YIPF3: variants seen among roughly 807,000 people sequenced by gnomAD.
YIPF3 encodes the protein protein YIPF3.
A neutral mutation model predicts 40.3 loss-of-function variants in YIPF3; 18 were observed. That is an observed-to-expected ratio of 0.45 (90% CI 0.31 to 0.66). YIPF3 has a LOEUF of 0.66. YIPF3 is among the 30% of genes least tolerant of loss of function. The pLI, the probability that YIPF3 is intolerant of heterozygous loss-of-function variation, is 0.07. For synonymous variants in YIPF3, 190 were observed against 179.6 expected, an observed-to-expected ratio of 1.06 and a Z score of -0.46; for missense variants, 406 against 452.2, an observed-to-expected ratio of 0.90 and a Z score of 0.93.
Position 43,516,090 on chromosome 6 carries a change from T to G in YIPF3, c.87A>C (p.Gly29=). The G allele has an allele frequency of 6.2e-7, 1 of 1,614,216 alleles. No individual in the cohort carries two copies. The highest frequency in any genetic ancestry group is 8.5e-7 in the Non-Finnish European group (1 of 1,180,030). Residue 29 remains glycine, a synonymous_variant, in exon 2 of 9, where the codon GGA becomes GGC. Transcript: ENST00000372422. ...TCTCCATGTCAATCACAGCTGAGCCTCCGCCCTGTGAAGACAATGGCTCCT... is the reference window on the plus strand; with the variant it reads ...TCTCCATGTCAATCACAGCTGAGCCGCCGCCCTGTGAAGACAATGGCTCCT... ...WGGFEENIQG[G]GSAVIDMENM...
chr6:43,516,687 G>A (rs1457938453), intron 1 of YIPF3, 40 bp downstream of exon 1: 8 of 1,607,096 alleles, frequency 5.0e-6, no homozygotes, highest in Admixed American at 1.7e-5. Context: ...GACATCGCCG[G>A]CCCTCCGGCT....
chr6:43,512,292 G>A lies in YIPF3; in HGVS notation c.928C>T (p.Pro310Ser). The part of the protein sequence containing the change: ...VEGILDTLEG[P>S]NIPPIQRVPR... ...ACCCTCTGGATGGGCGGGATGTTGG[G>A]GCCCTCCAGTGTGTCCAGGATCCCT... The change falls in exon 9 of 9, where the codon CCC (proline) becomes TCC (serine). Residue 310 changes from proline to serine, a missense_variant. Pro to Ser is a moderately conservative substitution (Grantham distance 74). Coordinates refer to ENST00000372422, the MANE Select transcript of YIPF3 (RefSeq NM_015388.4). The A allele has an allele frequency of 2.5e-6, 4 of 1,611,048 alleles. No homozygotes were observed. Among genetic ancestry groups the A allele is most frequent in the Non-Finnish European group, 3.4e-6 (4 of 1,178,328 alleles).
intron 5 of YIPF3, 24 bp downstream of exon 5, chr6:43,513,335 C>T (rs767369688): frequency 2.5e-6 from 4 of 1,613,926 alleles, no homozygotes; most frequent in South Asian, 1.1e-5. Context: ...CAGCCACCCC[C>T]CCAAAGTTGT....
intron 1 of YIPF3, 121 bp downstream of exon 1, chr6:43,516,606 A>C: frequency 6.0e-6 from 7 of 1,162,374 alleles, no homozygotes; most frequent in Non-Finnish European, 7.4e-6. Context: ...GTGCACGAAG[A>C]CCCAAAGAAG....
chr6:43,513,422 G>A lies in YIPF3; in HGVS notation c.471C>T (p.Leu157=), dbSNP rs757719893. 25 of 1,614,208 alleles carry A rather than the reference G, an allele frequency of 1.5e-5. No homozygotes were observed. The South Asian group carries it at 2.6e-4, about 17-fold the overall frequency. Reference sequence around the variant, plus strand: ...TAGCAACCAGAGTGAAGACCAGCATGAGAGGTCCATAGAGTTCACCTGCAA... The same window carrying A: ...TAGCAACCAGAGTGAAGACCAGCATAAGAGGTCCATAGAGTTCACCTGCAA... ...QKIAGELYGP[L]MLVFTLVAIL... is the part of the protein sequence containing the mutation. The change falls in exon 5 of 9, where the codon CTC becomes CTT. Residue 157 remains leucine (L), a synonymous_variant. Transcript: ENST00000372422.
In YIPF3 at chr6:43,515,986, G is replaced by C. The variant is rs1261073689; in HGVS notation, c.191C>G (p.Ala64Gly). Residue 64 changes from alanine to glycine, a missense_variant, in exon 2 of 9, where the codon GCT (alanine) becomes GGT (glycine). By Grantham distance (60) the Ala-to-Gly change is moderately conservative. Coordinates refer to ENST00000372422, the MANE Select transcript of YIPF3 (RefSeq NM_015388.4). Reference protein sequence around the residue: ...HQRLREEEVDADAADAAAAEE... With the variant: ...HQRLREEEVDGDAADAAAAEE... ...AGCAGCAGCTGCATCAGCTGCATCAGCGTCTACTTCTTCCTCGCGCAGGCG... is the reference window on the plus strand; with the variant it reads ...AGCAGCAGCTGCATCAGCTGCATCACCGTCTACTTCTTCCTCGCGCAGGCG... 1.9e-6 allele frequency: 3 copies of C among 1,614,084 alleles called. No individual in the cohort carries two copies. The highest frequency in any genetic ancestry group is 2.5e-6 in the Non-Finnish European group (3 of 1,180,038).
chr6:43,513,238 C>T, intron 5 of YIPF3, 38 bp from the exon 6 acceptor site: 2 of 1,613,748 alleles, frequency 1.2e-6, no homozygotes, highest in Non-Finnish European at 1.7e-6. Context: ...TAGGAGGCCT[C>T]TGATCTCAGC....
Position 43,516,912 on chromosome 6 carries a change from G to C in YIPF3, c.-105C>G, listed in dbSNP as rs1238744895. On this transcript the variant is annotated 5_prime_UTR_variant, in exon 1 of 9. It adds an upstream start codon to the 5' untranslated region. Transcript: ENST00000372422. ...GACGTCCAGGGTCGAGGAGAGGTGG[G>C]ATCGGCCGGAACACAAAAAGGAGAA... is the stretch of plus-strand genomic sequence containing the variant. The C allele has an allele frequency of 3.0e-6, 4 of 1,340,742 alleles. No homozygotes were observed. The highest frequency in any genetic ancestry group is 1.3e-5 in the South Asian group (1 of 79,862). The allele number at this position is 1,340,742 out of a possible 1,614,324, so 83.1% of individuals were successfully genotyped here.
chr6:43,516,755 T>C lies in YIPF3; in HGVS notation c.53A>G (p.Glu18Gly). The C allele has an allele frequency of 6.2e-7, 1 of 1,604,700 alleles. No individual in the cohort carries two copies. Among genetic ancestry groups the C allele is most frequent in the Non-Finnish European group, 8.5e-7 (1 of 1,175,942 alleles). The change falls in exon 1 of 9, where the codon GAA (glutamate) becomes GGA (glycine). Residue 18 changes from glutamate to glycine, a missense_variant. By Grantham distance (98) the Glu-to-Gly change is moderately conservative. Transcript: ENST00000372422. ...GATGTTTTCTTCGAACCCTCCCCATTCCGGGCCAGCTCCATTTCGGGCGCC... is the reference window on the plus strand; with the variant it reads ...GATGTTTTCTTCGAACCCTCCCCATCCCGGGCCAGCTCCATTTCGGGCGCC... ...AGGARNGAGP[E>G]WGGFEENIQG...
In YIPF3 at chr6:43,512,391, A is replaced by G. The variant is rs776482485; in HGVS notation, c.904+49T>C. 4 of 1,614,118 alleles carry G rather than the reference A, an allele frequency of 2.5e-6. No homozygotes were observed. The Middle Eastern group carries it at 5.0e-4, about 200-fold the overall frequency. On this transcript the variant is annotated intron_variant, in intron 8 of 8. Coordinates refer to ENST00000372422, the MANE Select transcript of YIPF3 (RefSeq NM_015388.4). ...GCCATCATATCTAGCTTCTTGCTCTAGGCAGCTGCTTTCCCATTCTCCCCC... is the reference window on the plus strand; with the variant it reads ...GCCATCATATCTAGCTTCTTGCTCTGGGCAGCTGCTTTCCCATTCTCCCCC...
intron 3 of YIPF3, among the ~76,000 whole-genome samples, chr6:43,514,994 C>CTT (rs944845557): frequency 1.4e-5 from 2 of 138,544 alleles, no homozygotes; most frequent in South Asian, 2.3e-4. Context: ...GCGCAGAGTT[C>CTT]TTTTTTTTTT....
chr6:43,516,158 C>T (rs184276667), intron 1 of YIPF3, 63 bp from the exon 2 acceptor site: 6 of 1,598,786 alleles, frequency 3.8e-6, no homozygotes, highest in Admixed American at 3.5e-5. Flanking sequence ...GTCCTCTGCT[C>T]ATCCCAGGGT....
rs765363471 is a variant in YIPF3 at position 43,511,975 on chromosome 6, G to T, written c.*192C>A. 3.0e-4 allele frequency: 264 copies of T among 878,126 alleles called. No homozygotes were observed. The Middle Eastern group carries it at 3.1e-3, about 10-fold the overall frequency. 54.4% of individuals were successfully genotyped at this position (878,126 alleles called of 1,614,324 possible). On this transcript the variant is annotated 3_prime_UTR_variant, in exon 9 of 9. Coordinates refer to ENST00000372422, the MANE Select transcript of YIPF3 (RefSeq NM_015388.4). ...TCTGCATTGGCTGCAGAGCCTTGCA[G>T]TCCTGGCCAGGAGTTCTTGGCCTTG...
rs766438060 is a variant in YIPF3, at chr6:43,515,912, G to A, written c.265C>T (p.Leu89=). The A allele has an allele frequency of 1.6e-5, 26 of 1,603,746 alleles. No homozygotes were observed. Among genetic ancestry groups the A allele is most frequent in the Non-Finnish European group, 2.1e-5 (25 of 1,173,444 alleles). ...FLGMKGFKGQ[L]SRQVADQMWQ... Reference sequence around the variant, plus strand: ...ACCTGATCTGCCACCTGCCGGCTCAGCTGTCCCTTAAAGCCCTTCATGCCC... The same window carrying A: ...ACCTGATCTGCCACCTGCCGGCTCAACTGTCCCTTAAAGCCCTTCATGCCC... The change falls in exon 2 of 9, where the codon CTG becomes TTG. Residue 89 remains leucine, a synonymous_variant. Coordinates refer to ENST00000372422, the MANE Select transcript of YIPF3 (RefSeq NM_015388.4).
chr6:43,512,713 A>G (rs377036342), intron 7 of YIPF3, 48 bp downstream of exon 7: 26 of 1,587,400 alleles, frequency 1.6e-5, no homozygotes, highest in East Asian at 1.3e-4. Flanking sequence ...GTCTTCCCCA[A>G]CTCCCTGGGA....
Position 43,516,179 on chromosome 6 carries a change from G to A in YIPF3, c.82-84C>T, listed in dbSNP as rs1347544730. ...TGCTCATCCCAGGGTTTAGGGCTTT[G>A]TTCTTCCACTGCTGAGGATACGGCT... On this transcript the variant is annotated intron_variant, in intron 1 of 8. Transcript: ENST00000372422. 3.8e-6 allele frequency: 6 copies of A among 1,572,436 alleles called. 1 individual carries two copies. The South Asian group carries it at 5.8e-5, about 15-fold the overall frequency.
intron 3 of YIPF3, among the ~76,000 whole-genome samples, chr6:43,514,337 A>T (rs76139076): frequency 6.6e-6 from 1 of 152,214 alleles, no homozygotes; most frequent in Non-Finnish European, 1.5e-5. Context: ...GGAAAAGTCT[A>T]GCCGGCTAGA....
At chr6:43,512,653 G>A in intron 7 of YIPF3, 90 bp from the exon 8 acceptor site, 1 of 1,541,610 alleles carries the variant, frequency 6.5e-7, no homozygotes, top group African/African-American at 1.4e-5. Flanking sequence ...ACCATCTTTG[G>A]GCTCTTCCCT....
In YIPF3 at chr6:43,515,681, T is replaced by C. The variant is rs1246097016; in HGVS notation, c.309A>G (p.Arg103=). ...ACAAGCTGAAGGCCCTGGAGGCTTG[T>C]CTTTTCCCAGCCTGCCACATCTGAA... ...VADQMWQAGK[R]QASRAFSLYA... Residue 103 remains arginine (R), a synonymous_variant, in exon 3 of 9, where the codon AGA becomes AGG. Coordinates refer to ENST00000372422, the MANE Select transcript of YIPF3 (RefSeq NM_015388.4). The C allele has an allele frequency of 6.2e-7, 1 of 1,614,126 alleles. No homozygotes were observed. Among genetic ancestry groups the C allele is most frequent in the Non-Finnish European group, 8.5e-7 (1 of 1,180,044 alleles).
Sources: allele counts gnomAD v4.1 joint callset (sites outside exome capture counted in the v4.1 genomes callset), GRCh38; gene constraint gnomAD v4.1.1; transcripts MANE v1.5; gene names NCBI Gene and HGNC (gene_info 2026-07-23, HGNC 2026-07-21).